The following SLC24A2 variants were observed in gnomAD, a reference collection of about 807,000 sequenced individuals.
SLC24A2 encodes solute carrier family 24 member 2.
Under a neutral mutation model 62.0 loss-of-function variants are expected in SLC24A2, and 36 were observed. That is an observed-to-expected ratio of 0.58 (90% CI 0.44 to 0.77). SLC24A2 has a LOEUF of 0.77. Among genes scored for constraint, SLC24A2 ranks in the 30% least tolerant of loss-of-function variants. The probability of loss-of-function intolerance (pLI) is 0.00; values close to 1 mark genes in which losing one functional copy is unlikely to be tolerated. For synonymous variants in SLC24A2, 358 were observed against 294.0 expected, an observed-to-expected ratio of 1.22 and a Z score of -2.23; for missense variants, 846 against 817.9, an observed-to-expected ratio of 1.03 and a Z score of -0.42.
chr9:19,927,762 C>T, the SLC24A2 span: 1 of 152,186 alleles, frequency 6.6e-6, no homozygotes, highest in Non-Finnish European at 1.5e-5. Context: ...GTTGTTTCAG[C>T]TGATTGTCCC....
chr9:20,019,218 AG>A, the SLC24A2 span, among the ~76,000 whole-genome samples: 10 of 131,274 alleles, frequency 7.6e-5, no homozygotes, highest in South Asian at 2.5e-3. Flanking sequence ...AAAGAAAGAA[AG>A]ACAGAAAGAA....
chr9:19,568,404 C>G (rs923092138), intron 7 of SLC24A2, among the ~76,000 whole-genome samples: 6 of 152,196 alleles, frequency 3.9e-5, no homozygotes, highest in Non-Finnish European at 8.8e-5. Flanking sequence ...CATACTGCAG[C>G]TCATACATGG....
intron 5 of SLC24A2, among the ~76,000 whole-genome samples, chr9:19,589,914 T>C (rs1836499498): frequency 6.6e-6 from 1 of 152,168 alleles, no homozygotes; most frequent in African/African-American, 2.4e-5. Context: ...GGGTGGAGGC[T>C]TCCCTGGCTT....
the SLC24A2 span, among the ~76,000 whole-genome samples, chr9:19,990,616 C>CAAAAAAAAAAAACAAAAAAAA: frequency 2.2e-5 from 1 of 45,130 alleles, no homozygotes; most frequent in Middle Eastern, 0.01. Context: ...CCTAAAAAAA[C>CAAAAAAAAAAAACAAAAAAAA]AAAAAAAAAA....
chr9:20,114,802 T>C, the SLC24A2 span, among the ~76,000 whole-genome samples: 1 of 152,102 alleles, frequency 6.6e-6, no homozygotes, highest in Non-Finnish European at 1.5e-5. Flanking sequence ...CAAAACACCC[T>C]CTGGCCAGCC....
chr9:20,177,042 A>G, the SLC24A2 span, among the ~76,000 whole-genome samples: 173 of 152,220 alleles, frequency 1.1e-3, 9 homozygotes, highest in South Asian at 0.034. Context: ...AGAAATGTCT[A>G]TTTTAAATTA....
At chr9:20,104,256 C>T in the SLC24A2 span, among the ~76,000 whole-genome samples, 4 of 152,178 alleles carry the variant, frequency 2.6e-5, no homozygotes, top group Admixed American at 6.5e-5. Context: ...GAGAATGGAA[C>T]CAAGTTGGAA....
At chr9:20,266,502 T>A in the SLC24A2 span, among the ~76,000 whole-genome samples, 1 of 152,112 alleles carries the variant, frequency 6.6e-6, no homozygotes, top group Non-Finnish European at 1.5e-5. Flanking sequence ...GAAAAGCCCT[T>A]CGATAACTGC....
chr9:19,903,087 T>G, the SLC24A2 span, among the ~76,000 whole-genome samples: 1 of 152,026 alleles, frequency 6.6e-6, no homozygotes, highest in African/African-American at 2.4e-5. Context: ...TAACTCCCAT[T>G]ATCAGATCGA....
At chr9:20,028,553 T>C in the SLC24A2 span, among the ~76,000 whole-genome samples, 1 of 152,186 alleles carries the variant, frequency 6.6e-6, no homozygotes, top group Admixed American at 6.5e-5. Flanking sequence ...TTGACATCCA[T>C]GGGTTCCAAA....
chr9:20,186,594 T>C, the SLC24A2 span, among the ~76,000 whole-genome samples: 213 of 152,330 alleles, frequency 1.4e-3, 1 homozygote, highest in Admixed American at 2.1e-3. Flanking sequence ...GTCAGCTTTA[T>C]GGTTAAGCAT....
intron 2 of SLC24A2, among the ~76,000 whole-genome samples, chr9:19,642,986 C>CTTTTTTTTTTTTTTTTTTTTT (rs71335441): frequency 1.6e-5 from 2 of 125,330 alleles, no homozygotes; most frequent in Non-Finnish European, 3.3e-5. Context: ...GGCCAGTATT[C>CTTTTTTTTTTTTTTTTTTTTT]TTTTTTTTTT....
the SLC24A2 span, among the ~76,000 whole-genome samples, chr9:20,007,523 A>G: frequency 1.3e-5 from 2 of 152,172 alleles, no homozygotes; most frequent in Non-Finnish European, 2.9e-5. Context: ...ATATATATGT[A>G]TATAAATTCA....
the SLC24A2 span, among the ~76,000 whole-genome samples, chr9:19,867,245 G>T: frequency 6.6e-6 from 1 of 152,084 alleles, no homozygotes; most frequent in African/African-American, 2.4e-5. Context: ...AGTGGCAAGA[G>T]CTGATAGTCC....
At chr9:19,957,344 A>C in the SLC24A2 span, 4 of 152,226 alleles carry the variant, frequency 2.6e-5, no homozygotes, top group African/African-American at 4.8e-5. Flanking sequence ...CTCTATATCC[A>C]GAATCCCTGT....
chr9:20,248,278 G>A, the SLC24A2 span, among the ~76,000 whole-genome samples: 5 of 152,222 alleles, frequency 3.3e-5, no homozygotes, highest in Admixed American at 3.3e-4. Context: ...GGATCTTTGT[G>A]CCTTGGCTCA....
intron 2 of SLC24A2, among the ~76,000 whole-genome samples, chr9:19,725,149 G>A (rs1220450794): frequency 1.3e-5 from 2 of 152,088 alleles, no homozygotes; most frequent in African/African-American, 4.8e-5. Flanking sequence ...CAACTGGAGA[G>A]TGCGTGTGCT....
intron 2 of SLC24A2, among the ~76,000 whole-genome samples, chr9:19,781,465 G>A (rs1823018972): frequency 6.6e-6 from 1 of 152,182 alleles, no homozygotes; most frequent in Admixed American, 6.5e-5. Flanking sequence ...AACCAGAATA[G>A]CAAGGGAAAT....
the SLC24A2 span, among the ~76,000 whole-genome samples, chr9:19,872,099 T>C: frequency 0.012 from 1,901 of 152,220 alleles, 45 homozygotes; most frequent in African/African-American, 0.043. Context: ...TCAGGTCCAA[T>C]TGTGGAACCT....
Sources: allele counts gnomAD v4.1 joint callset (sites outside exome capture counted in the v4.1 genomes callset), GRCh38; gene constraint gnomAD v4.1.1; transcripts MANE v1.5; gene names NCBI Gene and HGNC (gene_info 2026-07-23, HGNC 2026-07-21).